The following PTPRD variants were observed in gnomAD, a reference collection of about 807,000 sequenced individuals.
PTPRD encodes receptor-type tyrosine-protein phosphatase delta.
PTPRD carries 34 observed loss-of-function variants against 214.5 expected under a neutral mutation model. The observed-to-expected ratio is 0.16, with a 90% CI of 0.12 to 0.21. The LOEUF is 0.21. Among genes scored for constraint, PTPRD ranks in the 10% least tolerant of loss-of-function variants. The probability of loss-of-function intolerance (pLI) is 1.00; values close to 1 mark genes in which losing one functional copy is unlikely to be tolerated. For missense variants in PTPRD, 2,545 were observed against 2,398.7 expected, an observed-to-expected ratio of 1.06 and a Z score of -1.27; for synonymous variants, 1,128 against 845.7, an observed-to-expected ratio of 1.33 and a Z score of -5.79.
intron 12 of PTPRD, among the ~76,000 whole-genome samples, chr9:8,718,308 T>C (rs1223030203): frequency 6.6e-6 from 1 of 152,170 alleles, no homozygotes; most frequent in Non-Finnish European, 1.5e-5. Context: ...CTACAAGCTC[T>C]CTAGAGAAAC....
rs531943234 is a variant in PTPRD at position 10,470,688 on chromosome 9, C to A, written c.-599-129671G>T. Reference sequence around the variant, plus strand: ...TGGTTAATAATAGCTCCCTTCTCCCCAGTTGTGACAAGCAAAACTGTTTTC... The same window carrying A: ...TGGTTAATAATAGCTCCCTTCTCCCAAGTTGTGACAAGCAAAACTGTTTTC... On this transcript the variant is annotated intron_variant, in intron 2 of 45. Transcript: ENST00000381196. 7.9e-5 allele frequency among the ~76,000 whole-genome samples: 12 copies of A among 152,200 alleles called. No individual in the cohort carries two copies. The South Asian group carries it at 2.1e-3, about 26-fold the overall frequency.
At chr9:9,218,450 G>T (rs768892484) in intron 9 of PTPRD, among the ~76,000 whole-genome samples, 3 of 152,096 alleles carry the variant, frequency 2.0e-5, no homozygotes, top group Admixed American at 1.3e-4. Flanking sequence ...TAACATAAAA[G>T]ATTTCAGTCT....
At chr9:8,766,021 T>C (rs2094710529) in intron 11 of PTPRD, among the ~76,000 whole-genome samples, 2 of 152,102 alleles carry the variant, frequency 1.3e-5, no homozygotes, top group South Asian at 4.2e-4. Flanking sequence ...ACAATTGGAA[T>C]AGCCCAGCAT....
intron 4 of PTPRD, among the ~76,000 whole-genome samples, chr9:10,010,199 G>C (rs1157901832): frequency 1.3e-5 from 2 of 151,830 alleles, no homozygotes; most frequent in Non-Finnish European, 2.9e-5. Flanking sequence ...AATTGGAAAA[G>C]AAACTGCAAT....
chr9:9,107,495 C>T, intron 10 of PTPRD, among the ~76,000 whole-genome samples: 1 of 152,148 alleles, frequency 6.6e-6, no homozygotes, highest in South Asian at 2.1e-4. Context: ...TTATTTACCA[C>T]TTGGAACCTA....
intron 11 of PTPRD, among the ~76,000 whole-genome samples, chr9:8,804,155 G>A (rs2154519871): frequency 6.6e-6 from 1 of 152,138 alleles, no homozygotes; most frequent in Middle Eastern, 3.4e-3. Flanking sequence ...GTTTCGCTAT[G>A]TTGGTCCGTC....
intron 7 of PTPRD, among the ~76,000 whole-genome samples, chr9:9,597,549 A>G (rs775226354): frequency 2.6e-5 from 4 of 152,068 alleles, no homozygotes; most frequent in Non-Finnish European, 5.9e-5. Flanking sequence ...AATATTCAAG[A>G]GGAAAAGTAC....
intron 12 of PTPRD, among the ~76,000 whole-genome samples, chr9:8,667,315 GGCAACAAGA>G (rs2097190462): frequency 6.6e-6 from 1 of 152,104 alleles, no homozygotes; most frequent in Admixed American, 6.6e-5. Flanking sequence ...CTCCAGCCTG[GGCAACAAGA>G]GCAAAACGTC....
intron 7 of PTPRD, among the ~76,000 whole-genome samples, chr9:9,664,553 T>C (rs538420976): frequency 2.0e-5 from 3 of 151,756 alleles, no homozygotes; most frequent in Non-Finnish European, 4.4e-5. Context: ...AATGGAAACC[T>C]CTAAGGTCTG....
At chr9:10,117,215 G>A (rs140032579) in intron 3 of PTPRD, among the ~76,000 whole-genome samples, 36 of 152,124 alleles carry the variant, frequency 2.4e-4, no homozygotes, top group African/African-American at 8.7e-4. Context: ...TTTCAACACG[G>A]CAAGAAAACA....
chr9:9,321,623 A>G (rs905995964), intron 9 of PTPRD, among the ~76,000 whole-genome samples: 1 of 152,138 alleles, frequency 6.6e-6, no homozygotes, highest in Non-Finnish European at 1.5e-5. Flanking sequence ...CATAAAACAC[A>G]TTCTAAGAAG....
chr9:10,014,240 T>C (rs2096656067), intron 4 of PTPRD, among the ~76,000 whole-genome samples: 1 of 152,004 alleles, frequency 6.6e-6, no homozygotes, highest in African/African-American at 2.4e-5. Flanking sequence ...TTTTTCTCAC[T>C]TCACAGATGA....
At chr9:9,284,132 T>C (rs1002804351) in intron 9 of PTPRD, among the ~76,000 whole-genome samples, 3 of 151,672 alleles carry the variant, frequency 2.0e-5, no homozygotes, top group Admixed American at 1.3e-4. Context: ...AGGAACTACA[T>C]ACTTAATTTA....
chr9:9,333,527 A>ATATATATATATATATATATATATAT (rs1569567453), intron 9 of PTPRD, among the ~76,000 whole-genome samples: 37 of 124,046 alleles, frequency 3.0e-4, no homozygotes, highest in African/African-American at 1.7e-3. Context: ...TATATATATA[A>ATATATATATATATATATATATATAT]AGTCTGCAAT....
intron 10 of PTPRD, among the ~76,000 whole-genome samples, chr9:9,111,628 T>C (rs2099806187): frequency 6.6e-6 from 1 of 152,176 alleles, no homozygotes; most frequent in African/African-American, 2.4e-5. Context: ...AGAAGAGTAC[T>C]GGTGTAACAG....
intron 6 of PTPRD, among the ~76,000 whole-genome samples, chr9:9,745,987 A>G (rs1479079430): frequency 2.6e-5 from 4 of 152,080 alleles, no homozygotes; most frequent in African/African-American, 9.7e-5. Flanking sequence ...GGGATGGGGA[A>G]AAAAAGAACT....
intron 10 of PTPRD, among the ~76,000 whole-genome samples, chr9:9,071,744 G>C (rs2099744043): frequency 6.6e-6 from 1 of 152,186 alleles, no homozygotes; most frequent in African/African-American, 2.4e-5. Context: ...ATCTCAAAGA[G>C]AGGGCCCAGA....
At position 9,275,630 on chromosome 9, in the gene PTPRD, A is replaced by G. The variant is rs116440977; in HGVS notation, c.-202-92267T>C. Reference sequence around the variant, plus strand: ...GAACTGTAGGATGACTTTGGTCCCTAAGACAAGGGCTGCTGCCCCCAGAAT... The same window carrying G: ...GAACTGTAGGATGACTTTGGTCCCTGAGACAAGGGCTGCTGCCCCCAGAAT... On this transcript the variant is annotated intron_variant, in intron 9 of 45. Transcript: ENST00000381196. Among the ~76,000 whole-genome samples, 1,374 of 151,304 alleles carry G rather than the reference A, an allele frequency of 9.1e-3. 28 individuals carry two copies. Among genetic ancestry groups the G allele is most frequent in the African/African-American group, 0.031 (1,297 of 41,416 alleles).
At chr9:8,515,678 CA>C (rs1007096955) in intron 21 of PTPRD, among the ~76,000 whole-genome samples, 3 of 152,130 alleles carry the variant, frequency 2.0e-5, no homozygotes, top group African/African-American at 4.8e-5. Flanking sequence ...CATGGTACAG[CA>C]AAGATTGCCA....
Sources: gnomAD v4.1 joint callset for allele counts (sites outside exome capture counted in the v4.1 genomes callset) on GRCh38, gnomAD v4.1.1 for gene constraint, MANE v1.5 for transcripts, NCBI Gene and HGNC (gene_info 2026-07-23, HGNC 2026-07-21) for gene names.